Variants in GRIA2 observed in about 807,000 individuals in gnomAD.
The protein encoded by GRIA2 is glutamate receptor 2.
Under a neutral mutation model 97.3 loss-of-function variants are expected in GRIA2, and 14 were observed. The ratio of observed to expected loss-of-function variants is 0.14; its 90% CI spans 0.10 to 0.23. The LOEUF is 0.23. GRIA2 is among the 10% of genes least tolerant of loss of function. The pLI is 1.00. For synonymous variants in GRIA2, 412 were observed against 387.8 expected, an observed-to-expected ratio of 1.06 and a Z score of -0.73; for missense variants, 558 against 1,069.8, an observed-to-expected ratio of 0.52 and a Z score of 6.67.
Position 157,336,478 on chromosome 4 carries a change from C to T in GRIA2, c.1575C>T (p.Ile525=), listed in dbSNP as rs1735294306. 6.2e-7 allele frequency: 1 copy of T among 1,613,116 alleles called. No individual in the cohort carries two copies. The highest frequency in any genetic ancestry group is 1.7e-5 in the Admixed American group (1 of 59,946). Residue 525 remains isoleucine, a synonymous_variant, in exon 11 of 16, where the codon ATC becomes ATT. Transcript: ENST00000264426. ...PFMSLGISIM[I]KKPQKSKPGV... ...TGAGCCTCGGGATATCTATCATGAT[C>T]AAGAAGCCTCAGAAGTCCAAACCAG...
chr4:157,249,417 T>A (rs2126737789), intron 2 of GRIA2: 1 of 152,280 alleles, frequency 6.6e-6, no homozygotes, highest in African/African-American at 2.4e-5. Context: ...ATTATTTTAG[T>A]CACAATGTGA....
At chr4:157,337,333 C>T (rs1363529510) in intron 11 of GRIA2, among the ~76,000 whole-genome samples, 2 of 151,954 alleles carry the variant, frequency 1.3e-5, no homozygotes, top group African/African-American at 2.4e-5. Context: ...CTGTCCATAT[C>T]GAATGGTAAT....
At chr4:157,310,534 T>C (rs1734034319) in intron 3 of GRIA2, among the ~76,000 whole-genome samples, 2 of 152,090 alleles carry the variant, frequency 1.3e-5, no homozygotes, top group Non-Finnish European at 1.5e-5. Context: ...ATCTCTTTTT[T>C]TCCCTGCAAT....
At chr4:157,291,046 A>G (rs1733075453) in intron 2 of GRIA2, among the ~76,000 whole-genome samples, 1 of 151,910 alleles carries the variant, frequency 6.6e-6, no homozygotes, top group Non-Finnish European at 1.5e-5. Context: ...ATATGTGCCT[A>G]TTTTCCGTGA....
At chr4:157,310,146 T>A (rs370155530) in intron 3 of GRIA2, among the ~76,000 whole-genome samples, 1 of 152,288 alleles carries the variant, frequency 6.6e-6, no homozygotes, top group Admixed American at 6.5e-5. Context: ...GTTCTGTCTC[T>A]GCAGATGAAA....
At chr4:157,316,719 A>C (rs1734339444) in intron 4 of GRIA2, among the ~76,000 whole-genome samples, 1 of 152,196 alleles carries the variant, frequency 6.6e-6, no homozygotes, top group Non-Finnish European at 1.5e-5. Flanking sequence ...GACTTTGGAA[A>C]GCAAAACTCA....
At chr4:157,266,003 A>G (rs1046368154) in intron 2 of GRIA2, among the ~76,000 whole-genome samples, 3 of 152,124 alleles carry the variant, frequency 2.0e-5, no homozygotes, top group African/African-American at 7.2e-5. Flanking sequence ...TTGAGAAGCC[A>G]TGGTGACTGC....
chr4:157,265,831 A>C (rs1731745237), intron 2 of GRIA2, among the ~76,000 whole-genome samples: 1 of 152,128 alleles, frequency 6.6e-6, no homozygotes, highest in African/African-American at 2.4e-5. Context: ...GACTTTGGGT[A>C]GTTTTAAGCA....
At chr4:157,280,585 TAGTG>T (rs1732548915) in intron 2 of GRIA2, among the ~76,000 whole-genome samples, 2 of 151,986 alleles carry the variant, frequency 1.3e-5, no homozygotes, top group African/African-American at 4.8e-5. Flanking sequence ...TGCATTCTGT[TAGTG>T]AGTCAGCTGG....
In GRIA2 at chr4:157,365,773, A is replaced by AATG. The variant is rs1487346979; in HGVS notation, c.*2343_*2344insTGA. 1 of 151,902 alleles carries AATG rather than the reference A, an allele frequency of 6.6e-6. No individual in the cohort carries two copies. Among genetic ancestry groups the AATG allele is most frequent in the African/African-American group, 2.4e-5 (1 of 41,368 alleles). 9.4% of individuals were successfully genotyped at this position (151,902 alleles called of 1,614,324 possible). ...GGTTTTTTTATTCATTTTATATAAA[A>AATG]ACTGTTATGGAAAGACCAAAATGTT... On this transcript the variant is annotated 3_prime_UTR_variant, in exon 16 of 16. Coordinates refer to ENST00000264426, the MANE Select transcript of GRIA2 (RefSeq NM_001083619.3).
In GRIA2 at chr4:157,249,283, G is replaced by C. The variant is rs190952739; in HGVS notation, c.229+27476G>C. Among the ~76,000 whole-genome samples, 7 of 152,224 alleles carry C rather than the reference G, an allele frequency of 4.6e-5. No homozygotes were observed. The East Asian group carries it at 1.4e-3, about 30-fold the overall frequency. ...TGTACTTCATAATTTGAATATCTTA[G>C]AACTTTCCTCTGACTGTTCAAGAGT... is the stretch of plus-strand genomic sequence containing the variant. On this transcript the variant is annotated intron_variant, in intron 2 of 15. Coordinates refer to ENST00000264426, the MANE Select transcript of GRIA2 (RefSeq NM_001083619.3).
chr4:157,290,231 C>T (rs1733031709), intron 2 of GRIA2, among the ~76,000 whole-genome samples: 1 of 151,758 alleles, frequency 6.6e-6, no homozygotes, highest in South Asian at 2.1e-4. Flanking sequence ...ATACATCATA[C>T]TAACTTACTT....
intron 2 of GRIA2, among the ~76,000 whole-genome samples, chr4:157,226,282 G>A (rs541447761): frequency 1.1e-4 from 17 of 151,954 alleles, no homozygotes; most frequent in Admixed American, 7.2e-4. Flanking sequence ...AAACTGTTGC[G>A]CACACCGAAT....
At chr4:157,339,930 TTTA>T (rs1735475289) in intron 11 of GRIA2, among the ~76,000 whole-genome samples, 1 of 151,922 alleles carries the variant, frequency 6.6e-6, no homozygotes. Flanking sequence ...TCCTTTCATA[TTTA>T]TTTTTTTGTA....
intron 2 of GRIA2, among the ~76,000 whole-genome samples, chr4:157,275,679 A>T (rs1579323955): frequency 6.6e-6 from 1 of 152,100 alleles, no homozygotes; most frequent in Non-Finnish European, 1.5e-5. Flanking sequence ...AGATAGTTGT[A>T]GATATGTGGC....
At chr4:157,303,516 A>T (rs375218797) in intron 2 of GRIA2, 36 bp from the exon 3 acceptor site, 14 of 1,593,528 alleles carry the variant, frequency 8.8e-6, no homozygotes, top group Non-Finnish European at 1.1e-5. Flanking sequence ...TGCCAATTTC[A>T]ATGATTTTTC....
intron 2 of GRIA2, among the ~76,000 whole-genome samples, chr4:157,231,019 AATTTT>A (rs1729989620): frequency 6.6e-6 from 1 of 151,592 alleles, no homozygotes; most frequent in African/African-American, 2.4e-5. Flanking sequence ...ACGCTGAGCT[AATTTT>A]ATTTTATTTT....
rs1736613034 is a variant in GRIA2, at chr4:157,361,126, T to TTCC, written c.2406+2_2406+3insTCC. 1 of 1,597,064 alleles carries TTCC rather than the reference T, an allele frequency of 6.3e-7. No individual in the cohort carries two copies. Among genetic ancestry groups the TTCC allele is most frequent in the African/African-American group, 1.3e-5 (1 of 74,570 alleles). On this transcript the variant is annotated splice_region_variant and intron_variant, in intron 14 of 15. Transcript: ENST00000264426. This position sits in a 1 kb window ranked among gnomAD's most constrained non-coding sequence, Gnocchi z 5.2. ...GGCAGCGGGGGAGGTGATTCCAAGG[T>TTCC]CAGCCCCAGTGAGAAAAGTAATGGG...
At chr4:157,345,747 T>C (rs915138674) in intron 12 of GRIA2, among the ~76,000 whole-genome samples, 8 of 152,148 alleles carry the variant, frequency 5.3e-5, no homozygotes, top group Non-Finnish European at 2.9e-5. Context: ...TGCAATCTGT[T>C]CCTTCTGGTT....
Sources: gnomAD v4.1 joint callset for allele counts (sites outside exome capture counted in the v4.1 genomes callset) on GRCh38, gnomAD v4.1.1 for gene constraint, Gnocchi (gnomAD v3.1) non-coding constraint, MANE v1.5 for transcripts, NCBI Gene and HGNC (gene_info 2026-07-23, HGNC 2026-07-21) for gene names.